PCYT1B: variants seen among roughly 807,000 people sequenced by gnomAD.
PCYT1B encodes phosphate cytidylyltransferase 1B, choline.
PCYT1B carries 10 observed loss-of-function variants against 26.4 expected under a neutral mutation model. The observed-to-expected ratio is 0.38, with a 90% confidence interval of 0.23 to 0.64. PCYT1B has a LOEUF of 0.64. Ranked by LOEUF, PCYT1B falls within the 30% of genes least tolerant of loss-of-function variation. The pLI is 0.56. For missense variants in PCYT1B, 161 were observed against 292.7 expected (o/e 0.55, Z 3.28); for synonymous variants, 131 against 108.4 (o/e 1.21, Z -1.29).
chrX:24,608,644 C>T (rs1027786029), intron 2 of PCYT1B, among the ~76,000 whole-genome samples: 2 of 111,346 alleles, frequency 1.8e-5, no homozygotes, highest in Non-Finnish European at 3.8e-5. Context: ...CAGACAGTGG[C>T]ATCTAGTGCT....
chrX:24,648,943 A>G (rs1403430514), upstream of PCYT1B, among the ~76,000 whole-genome samples: 1 of 111,581 alleles, frequency 9.0e-6, no homozygotes, highest in Non-Finnish European at 1.9e-5. Context: ...TATTTTTATT[A>G]CTCCTCAATA....
At chrX:24,655,771 G>A (rs759161787) in intron 1 of PCYT1B, among the ~76,000 whole-genome samples, 2 of 108,059 alleles carry the variant, frequency 1.9e-5, no homozygotes, top group East Asian at 5.9e-4. Flanking sequence ...GTGACAGAGT[G>A]AGACCCTGTG....
chrX:24,644,449 TACAC>T (rs201474505), intron 1 of PCYT1B, among the ~76,000 whole-genome samples: 7,759 of 95,238 alleles, frequency 0.081, 278 homozygotes, highest in African/African-American at 0.13. Flanking sequence ...ATGTGCATGA[TACAC>T]ACACACACAC....
rs758313906 is a variant in PCYT1B, at chrX:24,564,637, C to A, written c.898-2132G>T. ...AAAGTGCTGGGATTACAGGTGTGAG[C>A]CACCGCGCCCGGCCAGTTCTGTGAG... On this transcript the variant is annotated intron_variant, in intron 7 of 7. Transcript: ENST00000379144. Among the ~76,000 whole-genome samples, 4 of 111,077 alleles carry A rather than the reference C, an allele frequency of 3.6e-5. No homozygotes were observed. The South Asian group carries it at 1.5e-3, about 43-fold the overall frequency.
At chrX:24,577,070 C>T (rs773996347) in intron 6 of PCYT1B, among the ~76,000 whole-genome samples, 8 of 111,434 alleles carry the variant, frequency 7.2e-5, no homozygotes, top group Admixed American at 2.9e-4. Context: ...AGTCATGAGA[C>T]TGGGGAGTTG....
chrX:24,611,394 G>C (rs1925304342), intron 2 of PCYT1B, among the ~76,000 whole-genome samples: 1 of 111,757 alleles, frequency 8.9e-6, no homozygotes, highest in Non-Finnish European at 1.9e-5. Flanking sequence ...GAGCATCTAT[G>C]TGAGATTCCA....
intron 1 of PCYT1B, among the ~76,000 whole-genome samples, chrX:24,631,821 T>C (rs1253719462): frequency 9.0e-6 from 1 of 110,608 alleles, no homozygotes; most frequent in Admixed American, 9.5e-5. Context: ...AAAAATTAGC[T>C]GGGCACGGTG....
chrX:24,656,280 T>G (rs936575693), intron 1 of PCYT1B, among the ~76,000 whole-genome samples: 1 of 106,723 alleles, frequency 9.4e-6, no homozygotes, highest in African/African-American at 3.4e-5. Flanking sequence ...TGTTTTATTA[T>G]TAAAATTGAT....
intron 1 of PCYT1B, among the ~76,000 whole-genome samples, chrX:24,633,682 T>C (rs1006828122): frequency 9.9e-5 from 11 of 111,525 alleles, no homozygotes; most frequent in African/African-American, 3.6e-4. Context: ...TCAGTATATA[T>C]ATCAATAAAA....
intron 1 of PCYT1B, among the ~76,000 whole-genome samples, chrX:24,670,096 GAAAGA>G (rs1569261844): frequency 9.6e-4 from 86 of 89,803 alleles, no homozygotes; most frequent in African/African-American, 1.5e-3. Context: ...AAGAAAGAAA[GAAAGA>G]AAGAAAGAAA....
At chrX:24,617,986 A>G (rs1925569177) in intron 2 of PCYT1B, among the ~76,000 whole-genome samples, 1 of 111,848 alleles carries the variant, frequency 8.9e-6, no homozygotes, top group Non-Finnish European at 1.9e-5. Flanking sequence ...ACTCAGGCCA[A>G]ATGAATCTGC....
At chrX:24,616,259 A>G (rs1450229869) in intron 2 of PCYT1B, among the ~76,000 whole-genome samples, 2 of 94,376 alleles carry the variant, frequency 2.1e-5, no homozygotes, top group South Asian at 5.5e-4. Flanking sequence ...TTTTAAAAAA[A>G]CAGAGTCTTG....
upstream of PCYT1B, among the ~76,000 whole-genome samples, chrX:24,651,472 AATATATATATATATATATATATATAT>A (rs200652780): frequency 3.1e-3 from 82 of 26,054 alleles, 6 homozygotes; most frequent in East Asian, 0.092. Flanking sequence ...AAAAAAAAAA[AATATATATATATATATATATATATAT>A]ATATATATAT....
chrX:24,671,697 A>T (rs1927260248), intron 1 of PCYT1B, among the ~76,000 whole-genome samples: 1 of 111,118 alleles, frequency 9.0e-6, no homozygotes, highest in Admixed American at 9.6e-5. Context: ...AAGCAGAGAA[A>T]TTCCCTCTGC....
upstream of PCYT1B, among the ~76,000 whole-genome samples, chrX:24,647,543 C>T (rs1926670275): frequency 8.9e-6 from 1 of 111,859 alleles, no homozygotes; most frequent in Non-Finnish European, 1.9e-5. Flanking sequence ...GGGCACGGGA[C>T]CCGGGCTGCG....
intron 3 of PCYT1B, among the ~76,000 whole-genome samples, chrX:24,601,524 C>T (rs546971001): frequency 1.5e-4 from 16 of 104,511 alleles, no homozygotes; most frequent in East Asian, 5.9e-4. Flanking sequence ...ATGGACTGGG[C>T]GAAAAATATT....
rs1476347410 is a variant in PCYT1B, at chrX:24,561,202, G to C, written c.*1091C>G. On this transcript the variant is annotated 3_prime_UTR_variant, in exon 8 of 8. Coordinates refer to ENST00000379144, the MANE Select transcript of PCYT1B (RefSeq NM_004845.5). ...AGAACAGATGTTTCTTGAGACCAAG[G>C]ATTTCAGAGGAGTATTATGGTGGAG... 1 of 112,434 alleles carries C rather than the reference G, an allele frequency of 8.9e-6. No homozygotes were observed. The allele number at this position is 112,434 out of a possible 1,213,427, so 9.3% of individuals were successfully genotyped here.
intron 7 of PCYT1B, among the ~76,000 whole-genome samples, chrX:24,572,918 T>TTATATATATA (rs371692891): frequency 9.3e-4 from 90 of 96,304 alleles, no homozygotes; most frequent in Admixed American, 1.3e-3. Context: ...TTTCATCAAA[T>TTATATATATA]TATATATATA....
chrX:24,655,643 C>A (rs936496780), intron 1 of PCYT1B, among the ~76,000 whole-genome samples: 16 of 110,798 alleles, frequency 1.4e-4, no homozygotes, highest in Non-Finnish European at 1.9e-5. Flanking sequence ...ATTAGCCAGG[C>A]GTGGTGGCGG....
Sources: allele counts gnomAD v4.1 joint callset (sites outside exome capture counted in the v4.1 genomes callset), GRCh38; gene constraint gnomAD v4.1.1; transcripts MANE v1.5; gene names NCBI Gene and HGNC (gene_info 2026-07-23, HGNC 2026-07-21).